The following MBNL2 variants were observed in gnomAD, a reference collection of about 807,000 sequenced individuals.
MBNL2 encodes muscleblind like splicing regulator 2, also known as muscleblind-like protein 2.
In MBNL2, 17 loss-of-function variants were observed where a neutral mutation model predicts 41.9. The ratio of observed to expected loss-of-function variants is 0.41; its 90% CI spans 0.28 to 0.61. MBNL2 has a LOEUF of 0.61. Among genes scored for constraint, MBNL2 ranks in the 20% least tolerant of loss-of-function variants. The pLI, the probability that MBNL2 is intolerant of heterozygous loss-of-function variation, is 0.35. For missense variants in MBNL2, 336 were observed against 505.6 expected (o/e 0.66, Z 3.22); for synonymous variants, 195 against 182.9 (o/e 1.07, Z -0.53).
At chr13:97,369,818 T>G (rs2064194062) in intron 8 of MBNL2, among the ~76,000 whole-genome samples, 1 of 152,172 alleles carries the variant, frequency 6.6e-6, no homozygotes, top group Non-Finnish European at 1.5e-5. Flanking sequence ...TCCAAATATG[T>G]TTGGGAAATA....
At chr13:97,313,213 G>T (rs1334400335) in intron 2 of MBNL2, among the ~76,000 whole-genome samples, 1 of 152,174 alleles carries the variant, frequency 6.6e-6, no homozygotes, top group Non-Finnish European at 1.5e-5. Context: ...TTGAATCTTT[G>T]CCTTTGTCAG....
intron 1 of MBNL2, among the ~76,000 whole-genome samples, chr13:97,259,926 T>C (rs938288152): frequency 3.3e-5 from 5 of 152,216 alleles, no homozygotes; most frequent in African/African-American, 4.8e-5. Context: ...TCAGCAAATA[T>C]CTATTCACTG....
At chr13:97,149,713 T>A in the MBNL2 span, among the ~76,000 whole-genome samples, 1 of 152,098 alleles carries the variant, frequency 6.6e-6, no homozygotes, top group Non-Finnish European at 1.5e-5. Context: ...GGAGCAGAGG[T>A]TGGGACCTGC....
At chr13:97,279,888 A>G (rs969048557) in intron 2 of MBNL2, among the ~76,000 whole-genome samples, 3 of 152,228 alleles carry the variant, frequency 2.0e-5, no homozygotes, top group African/African-American at 7.2e-5. Context: ...TGGAAAATAT[A>G]GTACAGTTCT....
intron 8 of MBNL2, among the ~76,000 whole-genome samples, chr13:97,376,689 A>T (rs766684443): frequency 6.6e-6 from 1 of 152,098 alleles, no homozygotes; most frequent in Non-Finnish European, 1.5e-5. Flanking sequence ...AATGTTGCCC[A>T]TTTTCCCCTG....
At chr13:97,257,899 G>A (rs905904478) in intron 1 of MBNL2, among the ~76,000 whole-genome samples, 8 of 152,190 alleles carry the variant, frequency 5.3e-5, no homozygotes, top group African/African-American at 1.7e-4. Flanking sequence ...CTGTGATTTC[G>A]CCTTTCTCCC....
the MBNL2 span, among the ~76,000 whole-genome samples, chr13:97,211,351 G>A: frequency 1.3e-5 from 2 of 152,326 alleles, no homozygotes; most frequent in Non-Finnish European, 2.9e-5. Flanking sequence ...TAGAGCAGGA[G>A]TGTGTGGGCC....
the MBNL2 span, among the ~76,000 whole-genome samples, chr13:97,194,176 A>G: frequency 2.6e-5 from 4 of 152,210 alleles, no homozygotes; most frequent in East Asian, 7.7e-4. Flanking sequence ...AGCACTAATA[A>G]CAAATTGTAC....
chr13:97,369,649 A>G (rs905404701), intron 8 of MBNL2, among the ~76,000 whole-genome samples: 1 of 152,166 alleles, frequency 6.6e-6, no homozygotes, highest in Non-Finnish European at 1.5e-5. Flanking sequence ...ATAGATGAAA[A>G]CATCCCATGA....
the MBNL2 span, among the ~76,000 whole-genome samples, chr13:97,152,663 A>G: frequency 6.6e-6 from 1 of 152,232 alleles, no homozygotes; most frequent in African/African-American, 2.4e-5. Flanking sequence ...TTTCGAATAC[A>G]CTATTCTATA....
chr13:97,390,510 AGTTTTGT>A (rs2066314187), intron 8 of MBNL2, among the ~76,000 whole-genome samples: 1 of 152,172 alleles, frequency 6.6e-6, no homozygotes, highest in Non-Finnish European at 1.5e-5. Flanking sequence ...AAGATTAAAT[AGTTTTGT>A]TACGGTGTGT....
At chr13:97,290,908 C>T (rs1310699009) in intron 2 of MBNL2, among the ~76,000 whole-genome samples, 2 of 151,538 alleles carry the variant, frequency 1.3e-5, no homozygotes, top group African/African-American at 2.4e-5. Context: ...TTCCCAGATG[C>T]AGGGGAAAAA....
chr13:97,352,619 T>C (rs1158879940), intron 5 of MBNL2, among the ~76,000 whole-genome samples: 1 of 152,220 alleles, frequency 6.6e-6, no homozygotes, highest in African/African-American at 2.4e-5. Context: ...AATTTTAAAA[T>C]ATTGTGAGAA....
At chr13:97,338,671 A>G (rs1735708884) in intron 3 of MBNL2, among the ~76,000 whole-genome samples, 1 of 152,108 alleles carries the variant, frequency 6.6e-6, no homozygotes, top group Non-Finnish European at 1.5e-5. Context: ...TCATATGTGC[A>G]CTCAAGATAA....
At chr13:97,321,079 C>A (rs988532909) in intron 2 of MBNL2, among the ~76,000 whole-genome samples, 1 of 152,190 alleles carries the variant, frequency 6.6e-6, no homozygotes, top group Non-Finnish European at 1.5e-5. Context: ...TCTGTCAAGA[C>A]CCTACTTCCA....
upstream of MBNL2, among the ~76,000 whole-genome samples, chr13:97,220,206 C>G (rs2040736785): frequency 6.6e-6 from 1 of 152,210 alleles, no homozygotes; most frequent in Admixed American, 6.5e-5. Context: ...ATGTGCCAGT[C>G]ACTGCATAGA....
intron 2 of MBNL2, among the ~76,000 whole-genome samples, chr13:97,314,109 AC>A (rs1240771216): frequency 2.0e-5 from 3 of 151,586 alleles, no homozygotes; most frequent in Non-Finnish European, 4.4e-5. Flanking sequence ...CACTCTCCCC[AC>A]CTCTCCAATC....
At chr13:97,273,583 C>A (rs759269663) in intron 1 of MBNL2, among the ~76,000 whole-genome samples, 4 of 152,210 alleles carry the variant, frequency 2.6e-5, no homozygotes, top group African/African-American at 9.7e-5. Context: ...CTTAAATGTG[C>A]ATGCAATTAT....
At chr13:97,242,890 T>A (rs1291530438) in intron 1 of MBNL2, among the ~76,000 whole-genome samples, 2 of 152,140 alleles carry the variant, frequency 1.3e-5, no homozygotes, top group African/African-American at 2.4e-5. Context: ...AATGACATCA[T>A]CCTCTGAAAT....
Sources: gnomAD v4.1 joint callset for allele counts (sites outside exome capture counted in the v4.1 genomes callset) on GRCh38, gnomAD v4.1.1 for gene constraint, MANE v1.5 for transcripts, NCBI Gene and HGNC (gene_info 2026-07-23, HGNC 2026-07-21) for gene names.